Variants in ST6GALNAC3 observed in about 807,000 individuals in gnomAD.
The protein encoded by ST6GALNAC3 is alpha-N-acetylgalactosaminide alpha-2,6-sialyltransferase 3.
A neutral mutation model predicts 32.7 loss-of-function variants in ST6GALNAC3; 25 were observed. That is an observed-to-expected ratio of 0.76 (90% CI 0.56 to 1.07). The LOEUF is 1.07. Ranked by LOEUF, ST6GALNAC3 falls within the 50% of genes least tolerant of loss-of-function variation. The pLI is 0.00. For synonymous variants in ST6GALNAC3, 129 were observed against 133.1 expected, an observed-to-expected ratio of 0.97 and a Z score of 0.21; for missense variants, 355 against 382.4, an observed-to-expected ratio of 0.93 and a Z score of 0.60.
rs866641040 is a variant in ST6GALNAC3 at position 76,494,562 on chromosome 1, C to T, written c.623+82145C>T. Among the ~76,000 whole-genome samples the T allele has an allele frequency of 4.0e-3, 561 of 140,572 alleles. 18 individuals are homozygous for T. The highest frequency in any genetic ancestry group is 0.014 in the African/African-American group (536 of 37,650). The allele number at this position is 140,572 out of a possible 152,430, so 92.2% of individuals were successfully genotyped here. A position where few individuals can be genotyped will look rare whatever the true frequency, so the allele number is the denominator to read the frequency against. Reference sequence around the variant, plus strand: ...TTTCATGTGTATAAACACACACACACACACACACACACACACACACACTTT... The same window carrying T: ...TTTCATGTGTATAAACACACACACATACACACACACACACACACACACTTT... On this transcript the variant is annotated intron_variant, in intron 3 of 4. Transcript: ENST00000328299.
At chr1:76,146,763 G>A (rs1363615347) in intron 1 of ST6GALNAC3, among the ~76,000 whole-genome samples, 1 of 152,170 alleles carries the variant, frequency 6.6e-6, no homozygotes, top group Non-Finnish European at 1.5e-5. Context: ...ATATCATTTT[G>A]TTTGTTGGTT....
chr1:76,412,562 C>A, intron 3 of ST6GALNAC3, 145 bp downstream of exon 3: 1 of 912,344 alleles, frequency 1.1e-6, no homozygotes, highest in Non-Finnish European at 1.6e-6. Context: ...ACTTGATAAG[C>A]CAGCCTGAGG....
intron 1 of ST6GALNAC3, among the ~76,000 whole-genome samples, chr1:76,084,243 G>T (rs956963353): frequency 6.6e-6 from 1 of 152,202 alleles, no homozygotes; most frequent in African/African-American, 2.4e-5. Context: ...AAAGGCTGGC[G>T]ACTGATGAGC....
intron 1 of ST6GALNAC3, among the ~76,000 whole-genome samples, chr1:76,210,973 C>T (rs1362142277): frequency 1.3e-5 from 2 of 152,174 alleles, no homozygotes; most frequent in Non-Finnish European, 2.9e-5. Flanking sequence ...ATCCACCTGC[C>T]TTAGCTTCCC....
At chr1:76,471,664 G>A (rs75632436) in intron 3 of ST6GALNAC3, among the ~76,000 whole-genome samples, 5,090 of 152,070 alleles carry the variant, frequency 0.033, 123 homozygotes, top group Admixed American at 0.069. Context: ...TATGTGTTAG[G>A]CATTCAATAA....
chr1:76,607,255 C>G (rs1647619299), intron 3 of ST6GALNAC3, among the ~76,000 whole-genome samples: 1 of 152,176 alleles, frequency 6.6e-6, no homozygotes, highest in African/African-American at 2.4e-5. Flanking sequence ...CCTTCCAAAA[C>G]TTTCACATGT....
intron 2 of ST6GALNAC3, among the ~76,000 whole-genome samples, chr1:76,386,324 T>A (rs1194673787): frequency 6.6e-6 from 1 of 152,156 alleles, no homozygotes; most frequent in East Asian, 1.9e-4. Flanking sequence ...TACTCCTTTG[T>A]AATTTGTGGC....
At chr1:76,288,472 T>C (rs552339626) in intron 1 of ST6GALNAC3, among the ~76,000 whole-genome samples, 1 of 152,246 alleles carries the variant, frequency 6.6e-6, no homozygotes, top group Admixed American at 6.5e-5. Context: ...GAAGTATAAG[T>C]TCTAAGCAGT....
At chr1:76,339,288 C>T (rs918199155) in intron 2 of ST6GALNAC3, among the ~76,000 whole-genome samples, 1 of 152,054 alleles carries the variant, frequency 6.6e-6, no homozygotes, top group South Asian at 2.1e-4. Context: ...AAGATGAAGA[C>T]AGGGGAGTCA....
At chr1:76,172,172 G>A (rs1417326320) in intron 1 of ST6GALNAC3, among the ~76,000 whole-genome samples, 5 of 151,784 alleles carry the variant, frequency 3.3e-5, no homozygotes, top group South Asian at 2.1e-4. Flanking sequence ...TGGGATGCAA[G>A]GCTGGTTGAA....
rs776506305 is a variant in ST6GALNAC3 at position 76,412,175 on chromosome 1, T to C, written c.381T>C (p.Val127=). The C allele has an allele frequency of 1.2e-6, 2 of 1,613,810 alleles. No homozygotes were observed. Among genetic ancestry groups the C allele is most frequent in the Admixed American group, 3.3e-5 (2 of 59,952 alleles). Residue 127 remains valine (V), a synonymous_variant, in exon 3 of 5, where the codon GTT becomes GTC. Transcript: ENST00000328299. The stretch of plus-strand genomic sequence containing the variant: ...TCGGCCGCATGACCATGATTCGAGT[T>C]GTGTCCCATACCAGCGTTCCTCTTT... ...EDVGRMTMIR[V]VSHTSVPLLL... is the part of the protein sequence containing the mutation.
chr1:76,093,497 A>G (rs1647078749), intron 1 of ST6GALNAC3, among the ~76,000 whole-genome samples: 1 of 152,222 alleles, frequency 6.6e-6, no homozygotes, highest in Non-Finnish European at 1.5e-5. Flanking sequence ...CTTTCTGTGA[A>G]GAGAAGTTCA....
chr1:76,415,409 C>A (rs541192073), intron 3 of ST6GALNAC3, among the ~76,000 whole-genome samples: 88 of 151,836 alleles, frequency 5.8e-4, no homozygotes, highest in African/African-American at 2.1e-3. Flanking sequence ...GAGATAGAAA[C>A]CAATCCTGTT....
intron 3 of ST6GALNAC3, among the ~76,000 whole-genome samples, chr1:76,544,760 G>A (rs1285655292): frequency 6.6e-6 from 1 of 152,150 alleles, no homozygotes; most frequent in Admixed American, 6.6e-5. Flanking sequence ...TATACATTTA[G>A]GAGTTATCAG....
intron 1 of ST6GALNAC3, among the ~76,000 whole-genome samples, chr1:76,108,441 C>T (rs1647687813): frequency 6.6e-6 from 1 of 152,178 alleles, no homozygotes; most frequent in Admixed American, 6.5e-5. Flanking sequence ...GGTGCACTAC[C>T]TTTCTTGTTT....
intron 1 of ST6GALNAC3, among the ~76,000 whole-genome samples, chr1:76,277,526 GTGTA>G (rs1659201785): frequency 1.2e-5 from 1 of 81,250 alleles, no homozygotes; most frequent in Non-Finnish European, 2.2e-5. Context: ...ATATGTTTAT[GTGTA>G]TATATATATA....
Position 76,500,960 on chromosome 1 carries a change from G to A in ST6GALNAC3, c.623+88543G>A, listed in dbSNP as rs535491688. Among the ~76,000 whole-genome samples, 424 of 152,286 alleles carry A rather than the reference G, an allele frequency of 2.8e-3. 2 individuals carry two copies. Among genetic ancestry groups the A allele is most frequent in the South Asian group, 9.1e-3 (44 of 4,824 alleles). On this transcript the variant is annotated intron_variant, in intron 3 of 4. Transcript: ENST00000328299. ...CAGTAAATGTTATCTATAATTATAT[G>A]TAACTACATATTCATAAACCCTTCC...
chr1:76,569,689 C>T (rs1322467675), intron 3 of ST6GALNAC3, among the ~76,000 whole-genome samples: 2 of 152,026 alleles, frequency 1.3e-5, no homozygotes, highest in African/African-American at 4.8e-5. Flanking sequence ...GAATTTCTTC[C>T]TGCTTATTCT....
chr1:76,188,692 A>T (rs745585987), intron 1 of ST6GALNAC3, among the ~76,000 whole-genome samples: 6 of 152,212 alleles, frequency 3.9e-5, no homozygotes, highest in Non-Finnish European at 5.9e-5. Context: ...AACATAAACA[A>T]TTGATTAATA....
Sources: gnomAD v4.1 joint callset for allele counts (sites outside exome capture counted in the v4.1 genomes callset) on GRCh38, gnomAD v4.1.1 for gene constraint, MANE v1.5 for transcripts, NCBI Gene and HGNC (gene_info 2026-07-23, HGNC 2026-07-21) for gene names.